CSMD1: variants seen among roughly 807,000 people sequenced by gnomAD.
CSMD1 encodes the protein CUB and sushi domain-containing protein 1.
In CSMD1, 213 loss-of-function variants were observed where a neutral mutation model predicts 417.5. The ratio of observed to expected loss-of-function variants is 0.51; its 90% CI spans 0.46 to 0.57. The LOEUF (loss-of-function observed/expected upper bound fraction) is 0.57, where lower values mean the gene tolerates loss of function less well. Ranked by LOEUF, CSMD1 falls within the 20% of genes least tolerant of loss-of-function variation. CSMD1 has a pLI of 0.00. For missense variants in CSMD1, 6,923 were observed against 4,529.7 expected, an observed-to-expected ratio of 1.53 and a Z score of -15.17; for synonymous variants, 2,862 against 1,736.8, an observed-to-expected ratio of 1.65 and a Z score of -16.11.
intron 2 of CSMD1, among the ~76,000 whole-genome samples, chr8:4,488,763 C>T (rs528341740): frequency 6.1e-4 from 93 of 152,152 alleles, no homozygotes; most frequent in African/African-American, 1.8e-3. Context: ...TCAGCTATGA[C>T]CCGCGTCCTG....
At chr8:4,539,303 A>G (rs1169907502) in intron 2 of CSMD1, among the ~76,000 whole-genome samples, 9 of 152,330 alleles carry the variant, frequency 5.9e-5, no homozygotes, top group South Asian at 2.1e-4. Flanking sequence ...GATGTAAAAT[A>G]TATCTTTTAA....
chr8:4,350,487 A>C (rs1392234658), intron 3 of CSMD1, among the ~76,000 whole-genome samples: 4 of 152,210 alleles, frequency 2.6e-5, no homozygotes, highest in African/African-American at 7.2e-5. Flanking sequence ...AACCACACAT[A>C]AAGGTAAGAT....
chr8:4,882,229 G>A (rs1253518954), intron 1 of CSMD1, among the ~76,000 whole-genome samples: 3 of 151,908 alleles, frequency 2.0e-5, no homozygotes, highest in African/African-American at 4.8e-5. Flanking sequence ...ACTGGGACCA[G>A]CATCCTCTAC....
At chr8:3,683,590 T>G (rs1443943068) in intron 7 of CSMD1, among the ~76,000 whole-genome samples, 6 of 152,204 alleles carry the variant, frequency 3.9e-5, no homozygotes, top group African/African-American at 1.4e-4. Context: ...AGCACTTTTT[T>G]GAATATCATT....
At chr8:3,082,716 C>G (rs1165656742) in intron 49 of CSMD1, among the ~76,000 whole-genome samples, 1 of 152,186 alleles carries the variant, frequency 6.6e-6, no homozygotes, top group African/African-American at 2.4e-5. Context: ...TAGTTAACAT[C>G]GCTTTGCCTG....
chr8:3,452,075 G>T (rs935302879), intron 12 of CSMD1, among the ~76,000 whole-genome samples: 3 of 152,252 alleles, frequency 2.0e-5, no homozygotes, highest in Admixed American at 6.5e-5. Flanking sequence ...TCTCTTTGAA[G>T]CAATTGTGAA....
chr8:3,667,793 G>C (rs1032567222), intron 7 of CSMD1, among the ~76,000 whole-genome samples: 7 of 152,144 alleles, frequency 4.6e-5, no homozygotes, highest in Non-Finnish European at 1.0e-4. Context: ...GAAAATCATG[G>C]AAACAGAAGA....
intron 3 of CSMD1, among the ~76,000 whole-genome samples, chr8:4,087,816 T>A (rs1293693602): frequency 2.0e-5 from 3 of 152,144 alleles, no homozygotes; most frequent in African/African-American, 4.8e-5. Context: ...TTAGCATTAT[T>A]TTCCCTTTGT....
chr8:3,727,255 T>C (rs772181144), intron 6 of CSMD1, among the ~76,000 whole-genome samples: 1 of 152,186 alleles, frequency 6.6e-6, no homozygotes, highest in Non-Finnish European at 1.5e-5. Context: ...AAAACTAACC[T>C]CTGGAAAGTA....
intron 6 of CSMD1, among the ~76,000 whole-genome samples, chr8:3,711,553 C>T (rs77631901): frequency 3.3e-5 from 5 of 152,160 alleles, no homozygotes; most frequent in African/African-American, 9.7e-5. Context: ...TGGCGTCTTC[C>T]TCCTCTTCTC....
At chr8:3,319,036 C>A (rs1030939988) in intron 23 of CSMD1, among the ~76,000 whole-genome samples, 1 of 152,184 alleles carries the variant, frequency 6.6e-6, no homozygotes, top group African/African-American at 2.4e-5. Flanking sequence ...CACTCCCTTA[C>A]ACAGAATGGA....
chr8:2,979,001 G>C (rs546127716), intron 54 of CSMD1, among the ~76,000 whole-genome samples: 3 of 152,132 alleles, frequency 2.0e-5, no homozygotes, highest in African/African-American at 4.8e-5. Context: ...AGAACTGGTC[G>C]ACCACGATAG....
chr8:4,827,677 G>A (rs1208388173), intron 1 of CSMD1, among the ~76,000 whole-genome samples: 1 of 152,066 alleles, frequency 6.6e-6, no homozygotes. Context: ...CTGATTTAGT[G>A]AAAAACATCC....
intron 51 of CSMD1, among the ~76,000 whole-genome samples, chr8:3,027,740 C>G (rs890905501): frequency 2.6e-5 from 4 of 152,120 alleles, no homozygotes; most frequent in African/African-American, 9.7e-5. Context: ...GTGTCAGAAA[C>G]ACCAGAATAC....
chr8:3,999,177 C>T (rs56367676), intron 4 of CSMD1, among the ~76,000 whole-genome samples: 16,349 of 151,586 alleles, frequency 0.11, 1,003 homozygotes, highest in East Asian at 0.19. Context: ...TTCTTTCTTT[C>T]CTCAAATACT....
intron 5 of CSMD1, among the ~76,000 whole-genome samples, chr8:3,812,012 T>G: frequency 6.6e-6 from 1 of 151,066 alleles, no homozygotes; most frequent in East Asian, 1.9e-4. Context: ...AACCATTTAC[T>G]AATCTTCTTA....
rs566533059 is a variant in CSMD1 at position 4,479,042 on chromosome 8, T to C, written c.303-58977A>G. 2.0e-5 allele frequency among the ~76,000 whole-genome samples: 3 copies of C among 152,280 alleles called. No homozygotes were observed. In the East Asian group the frequency reaches 5.8e-4, roughly 29 times the overall value. On this transcript the variant is annotated intron_variant, in intron 2 of 69. Coordinates refer to ENST00000635120, the MANE Select transcript of CSMD1 (RefSeq NM_033225.6). ...TTCCTAGGGAAGATAACACAGAGTA[T>C]GGCAGGGGCTCAATGCTATTCAAAT...
At chr8:3,567,531 G>A (rs540452662) in intron 10 of CSMD1, among the ~76,000 whole-genome samples, 2 of 143,818 alleles carry the variant, frequency 1.4e-5, no homozygotes, top group African/African-American at 5.1e-5. Flanking sequence ...GGGGATGGGG[G>A]AGGGGAAAGA....
At chr8:3,539,776 A>C (rs1303764990) in intron 10 of CSMD1, among the ~76,000 whole-genome samples, 1 of 151,582 alleles carries the variant, frequency 6.6e-6, no homozygotes, top group Non-Finnish European at 1.5e-5. Flanking sequence ...AAAAAAAAAA[A>C]AACACAAGAA....
Sources: allele counts gnomAD v4.1 joint callset (sites outside exome capture counted in the v4.1 genomes callset), GRCh38; gene constraint gnomAD v4.1.1; transcripts MANE v1.5; gene names NCBI Gene and HGNC (gene_info 2026-07-23, HGNC 2026-07-21).